Variants in PRKN observed in about 807,000 individuals in gnomAD.
PRKN encodes the protein parkin RBR E3 ubiquitin protein ligase, also known as E3 ubiquitin-protein ligase parkin.
In PRKN, 56 loss-of-function variants were observed where a neutral mutation model predicts 59.5. That is an observed-to-expected ratio of 0.94 (90% CI 0.76 to 1.18). The LOEUF is 1.18. PRKN is among the 50% of genes most tolerant of loss of function. The pLI is 0.00. For missense variants in PRKN, 657 were observed against 596.4 expected, an observed-to-expected ratio of 1.10 and a Z score of -1.06; for synonymous variants, 250 against 222.1, an observed-to-expected ratio of 1.13 and a Z score of -1.12.
chr6:161,864,935 TGAA>T (rs1462163524), intron 6 of PRKN, among the ~76,000 whole-genome samples: 1 of 152,184 alleles, frequency 6.6e-6, no homozygotes, highest in African/African-American at 2.4e-5. Flanking sequence ...ATTACAGGCG[TGAA>T]CCATCGTGCC....
intron 9 of PRKN, among the ~76,000 whole-genome samples, chr6:161,504,596 C>T (rs1386221426): frequency 6.6e-6 from 1 of 151,646 alleles, no homozygotes; most frequent in Non-Finnish European, 1.5e-5. Context: ...CATATGTATA[C>T]ATGTGACATG....
rs560539782 is a variant in PRKN at position 161,766,336 on chromosome 6, T to C, written c.871+19436A>G. 6.8e-5 allele frequency among the ~76,000 whole-genome samples: 7 copies of C among 103,320 alleles called. No individual in the cohort carries two copies. The South Asian group carries it at 2.1e-3, about 30-fold the overall frequency. 67.8% of individuals were successfully genotyped at this position (103,320 alleles called of 152,430 possible). A position where few individuals can be genotyped will look rare whatever the true frequency, so the allele number is the denominator to read the frequency against. On this transcript the variant is annotated intron_variant, in intron 7 of 11. Coordinates refer to ENST00000366898, the MANE Select transcript of PRKN (RefSeq NM_004562.3). ...CACATTTTTTTTTTTTTAGACAGAGTCTCGATCTGTCACCAGGCTGGAGTG... is the reference window on the plus strand; with the variant it reads ...CACATTTTTTTTTTTTTAGACAGAGCCTCGATCTGTCACCAGGCTGGAGTG...
intron 1 of PRKN, among the ~76,000 whole-genome samples, chr6:162,701,885 A>AC (rs200086630): frequency 2.0e-5 from 2 of 98,834 alleles, no homozygotes; most frequent in African/African-American, 9.7e-5. Flanking sequence ...ACACACACAC[A>AC]CCCCCCCGAC....
At chr6:162,583,209 G>A (rs1418077635) in intron 1 of PRKN, among the ~76,000 whole-genome samples, 1 of 152,182 alleles carries the variant, frequency 6.6e-6, no homozygotes, top group Non-Finnish European at 1.5e-5. Context: ...AGACTTCCCA[G>A]CCTCCAGAAG....
At chr6:162,283,804 A>C (rs1781038878) in intron 2 of PRKN, among the ~76,000 whole-genome samples, 1 of 152,166 alleles carries the variant, frequency 6.6e-6, no homozygotes, top group African/African-American at 2.4e-5. Flanking sequence ...TACAAGCAGG[A>C]ATAAATGTTA....
At chr6:162,408,840 G>T (rs538294537) in intron 2 of PRKN, among the ~76,000 whole-genome samples, 6 of 152,016 alleles carry the variant, frequency 3.9e-5, no homozygotes, top group African/African-American at 1.4e-4. Flanking sequence ...TTTTATTCTA[G>T]TTGATTCTCA....
At chr6:162,286,955 C>G (rs186755093) in intron 2 of PRKN, among the ~76,000 whole-genome samples, 1 of 152,172 alleles carries the variant, frequency 6.6e-6, no homozygotes, top group South Asian at 2.1e-4. Context: ...AATAAATCAG[C>G]AATGAGTACA....
chr6:161,897,903 C>G (rs980687743), intron 6 of PRKN, among the ~76,000 whole-genome samples: 6 of 135,308 alleles, frequency 4.4e-5, no homozygotes, highest in Admixed American at 2.5e-4. Flanking sequence ...GGAGGCGGAG[C>G]TTGCAGTGAG....
At chr6:161,406,076 T>C (rs577013001) in intron 9 of PRKN, among the ~76,000 whole-genome samples, 128 of 152,172 alleles carry the variant, frequency 8.4e-4, no homozygotes, top group Non-Finnish European at 1.5e-3. Context: ...CACAATCTCC[T>C]GGCTTTATGT....
At position 162,227,633 on chromosome 6, in the gene PRKN, G is replaced by T. The variant is rs1778240071; in HGVS notation, c.413-26381C>A. Among the ~76,000 whole-genome samples, 6 of 152,098 alleles carry T rather than the reference G, an allele frequency of 3.9e-5. No individual in the cohort carries two copies. In the South Asian group the frequency reaches 1.2e-3, roughly 32 times the overall value. On this transcript the variant is annotated intron_variant, in intron 3 of 11. Transcript: ENST00000366898. ...CTCTACCTGAAGGTACAAAGCTGAG[G>T]TCTAATTTGACATTAATTAATCTTA...
intron 2 of PRKN, among the ~76,000 whole-genome samples, chr6:162,297,048 T>C (rs1781706910): frequency 6.6e-6 from 1 of 152,164 alleles, no homozygotes; most frequent in Non-Finnish European, 1.5e-5. Flanking sequence ...AATGGTTAAC[T>C]AGAAAAGGCC....
intron 6 of PRKN, among the ~76,000 whole-genome samples, chr6:161,813,302 T>A (rs1791636919): frequency 6.6e-6 from 1 of 151,948 alleles, no homozygotes; most frequent in South Asian, 2.1e-4. Context: ...TTGCCCAACC[T>A]CCAGTCTCAG....
At chr6:161,477,333 C>T (rs529777731) in intron 9 of PRKN, among the ~76,000 whole-genome samples, 1 of 152,184 alleles carries the variant, frequency 6.6e-6, no homozygotes, top group Admixed American at 6.5e-5. Context: ...GCCTGACCAA[C>T]ACGGAGAAAC....
In PRKN at chr6:161,440,562, C is replaced by T. The variant is rs1374280929; in HGVS notation, c.1084-53685G>A. On this transcript the variant is annotated intron_variant, in intron 9 of 11. Transcript: ENST00000366898. This position sits in a 1 kb window ranked among gnomAD's most constrained non-coding sequence, Gnocchi z 4.1. ...GGTCGGCAGACACAGAGGGTTCCCT[C>T]ACCAGGGGTCTGGGAGTTGCTGGAA... Among the ~76,000 whole-genome samples the T allele has an allele frequency of 6.6e-6, 1 of 152,206 alleles. No homozygotes were observed.
intron 6 of PRKN, among the ~76,000 whole-genome samples, chr6:161,837,664 C>G (rs1472334552): frequency 6.6e-6 from 1 of 151,214 alleles, no homozygotes. Context: ...TTTATATGTT[C>G]CAGGGTAATA....
intron 1 of PRKN, among the ~76,000 whole-genome samples, chr6:162,656,971 C>T (rs953230922): frequency 1.3e-5 from 2 of 152,218 alleles, no homozygotes; most frequent in Non-Finnish European, 2.9e-5. Flanking sequence ...AACTCAGCTA[C>T]GCTGTCCCAG....
intron 5 of PRKN, among the ~76,000 whole-genome samples, chr6:161,984,829 A>G (rs1216361727): frequency 6.6e-6 from 1 of 152,134 alleles, no homozygotes; most frequent in Non-Finnish European, 1.5e-5. Flanking sequence ...CTTTAGAACT[A>G]TGGGACAGTT....
At chr6:161,660,078 TACTACTACTACA>T (rs751230216) in intron 7 of PRKN, among the ~76,000 whole-genome samples, 6 of 152,206 alleles carry the variant, frequency 3.9e-5, no homozygotes, top group Non-Finnish European at 7.3e-5. Context: ...TTGCTACTAC[TACTACTACTACA>T]ACTATTACTA....
intron 4 of PRKN, among the ~76,000 whole-genome samples, chr6:162,133,604 A>G (rs1185737415): frequency 6.6e-6 from 1 of 152,128 alleles, no homozygotes; most frequent in African/African-American, 2.4e-5. Context: ...TCCATGTATA[A>G]TATCACAGAA....
Sources: gnomAD v4.1 joint callset for allele counts (sites outside exome capture counted in the v4.1 genomes callset) on GRCh38, gnomAD v4.1.1 for gene constraint, Gnocchi (gnomAD v3.1) non-coding constraint, MANE v1.5 for transcripts, NCBI Gene and HGNC (gene_info 2026-07-23, HGNC 2026-07-21) for gene names.